Variants in DOCK1 observed in about 807,000 individuals in gnomAD.
DOCK1 encodes dedicator of cytokinesis 1, also known as dedicator of cytokinesis protein 1.
Under a neutral mutation model 262.7 loss-of-function variants are expected in DOCK1, and 138 were observed. The ratio of observed to expected loss-of-function variants is 0.53; its 90% confidence interval spans 0.46 to 0.61. The LOEUF (loss-of-function observed/expected upper bound fraction) is 0.61. Ranked by LOEUF, DOCK1 falls within the 20% of genes least tolerant of loss-of-function variation. The pLI is 0.00. For synonymous variants in DOCK1, 866 were observed against 867.4 expected, an observed-to-expected ratio of 1.00 and a Z score of 0.03; for missense variants, 1,908 against 2,370.7, an observed-to-expected ratio of 0.80 and a Z score of 4.05.
chr10:127,353,512 C>T (rs1412746163), intron 31 of DOCK1, among the ~76,000 whole-genome samples: 4 of 152,194 alleles, frequency 2.6e-5, no homozygotes, highest in Non-Finnish European at 5.9e-5. Context: ...CCTACCATGG[C>T]CTCAATGCTG....
At chr10:127,178,939 T>A (rs2055450074) in intron 27 of DOCK1, among the ~76,000 whole-genome samples, 1 of 152,160 alleles carries the variant, frequency 6.6e-6, no homozygotes, top group African/African-American at 2.4e-5. Context: ...GAAAATTAAA[T>A]CTTAACCTTC....
chr10:127,106,149 G>A (rs972508260), intron 23 of DOCK1, 82 bp from the exon 24 acceptor site: 5 of 1,376,138 alleles, frequency 3.6e-6, no homozygotes, highest in African/African-American at 1.4e-5. Context: ...TATTTCTGCG[G>A]TTCTTCTCAT....
chr10:127,262,175 T>G (rs1007600742), intron 29 of DOCK1, among the ~76,000 whole-genome samples: 10 of 139,038 alleles, frequency 7.2e-5, no homozygotes, highest in Admixed American at 1.4e-4. Flanking sequence ...TGCATGTGGG[T>G]GTGTGTGTGT....
intron 28 of DOCK1, among the ~76,000 whole-genome samples, chr10:127,254,152 A>T (rs2059754105): frequency 6.6e-6 from 1 of 151,912 alleles, no homozygotes; most frequent in South Asian, 2.1e-4. Context: ...TTCTTTCCAA[A>T]TTTTTTTGTC....
chr10:127,339,391 A>G (rs2063327801), intron 30 of DOCK1, among the ~76,000 whole-genome samples: 2 of 152,112 alleles, frequency 1.3e-5, no homozygotes, highest in Non-Finnish European at 2.9e-5. Flanking sequence ...ATCTGCCAAG[A>G]TTGTCTCAGC....
intron 46 of DOCK1, among the ~76,000 whole-genome samples, chr10:127,422,701 CT>C (rs1467750823): frequency 6.6e-6 from 1 of 152,144 alleles, no homozygotes; most frequent in Admixed American, 6.5e-5. Context: ...CAGTCTCCCT[CT>C]GTAACTAAAA....
At chr10:127,364,889 G>A (rs894415706) in intron 33 of DOCK1, among the ~76,000 whole-genome samples, 1 of 149,630 alleles carries the variant, frequency 6.7e-6, no homozygotes, top group Non-Finnish European at 1.5e-5. Context: ...CATGATAGCA[G>A]AAGGTCTCCC....
Position 126,957,446 on chromosome 10 carries a change from C to T in DOCK1, c.47-13256C>T, listed in dbSNP as rs898491389. Among the ~76,000 whole-genome samples the T allele has an allele frequency of 1.2e-3, 186 of 152,284 alleles. 2 individuals carry two copies. Among genetic ancestry groups the T allele is most frequent in the Non-Finnish European group, 1.8e-3 (125 of 68,036 alleles). On this transcript the variant is annotated intron_variant, in intron 1 of 51. Coordinates refer to ENST00000623213, the MANE Select transcript of DOCK1 (RefSeq NM_001290223.2). ...AAAAACAGATTCACAAAACAGTTCACGCTGGAATGTTCAATCCAGCCTTAT... is the reference window on the plus strand; with the variant it reads ...AAAAACAGATTCACAAAACAGTTCATGCTGGAATGTTCAATCCAGCCTTAT...
At chr10:127,338,799 C>G (rs980037787) in intron 29 of DOCK1, among the ~76,000 whole-genome samples, 2 of 151,802 alleles carry the variant, frequency 1.3e-5, no homozygotes, top group Non-Finnish European at 2.9e-5. Flanking sequence ...TTTCTTTCAT[C>G]CTGCATGTGC....
chr10:127,018,896 T>A, intron 13 of DOCK1, 61 bp downstream of exon 13: 1 of 1,600,676 alleles, frequency 6.2e-7, no homozygotes, highest in Non-Finnish European at 8.5e-7. Context: ...CCACGGAGGA[T>A]GACGTGTGGG....
intron 1 of DOCK1, among the ~76,000 whole-genome samples, chr10:126,942,736 G>T (rs1468349980): frequency 6.6e-6 from 1 of 152,094 alleles, no homozygotes; most frequent in Non-Finnish European, 1.5e-5. Context: ...AGATAAGCAT[G>T]ATCTGTCCTG....
intron 1 of DOCK1, among the ~76,000 whole-genome samples, chr10:126,908,326 C>T (rs76850939): frequency 0.064 from 9,682 of 152,148 alleles, 707 homozygotes; most frequent in African/African-American, 0.17. Context: ...CTGGAGGACC[C>T]CTCCACCATC....
intron 32 of DOCK1, among the ~76,000 whole-genome samples, chr10:127,359,746 T>C (rs2064320195): frequency 6.6e-6 from 1 of 152,238 alleles, no homozygotes; most frequent in South Asian, 2.1e-4. Flanking sequence ...TCAGTCTAAT[T>C]ATGAGGATTA....
At chr10:126,998,019 G>A (rs2040333265) in intron 7 of DOCK1, 73 bp from the exon 8 acceptor site, 2 of 1,569,978 alleles carry the variant, frequency 1.3e-6, no homozygotes, top group South Asian at 2.3e-5. Flanking sequence ...TTTCTATTCT[G>A]TAGGGAATAA....
At chr10:127,084,889 A>T (rs2047107983) in intron 23 of DOCK1, among the ~76,000 whole-genome samples, 1 of 152,048 alleles carries the variant, frequency 6.6e-6, no homozygotes, top group Non-Finnish European at 1.5e-5. Flanking sequence ...TGGGAGGGAG[A>T]TGTTTCTGGA....
intron 2 of DOCK1, among the ~76,000 whole-genome samples, chr10:126,975,744 A>G (rs534889850): frequency 1.3e-4 from 20 of 150,344 alleles, no homozygotes; most frequent in African/African-American, 4.9e-4. Flanking sequence ...CAGCTTCCCG[A>G]GTACCTGGTA....
intron 1 of DOCK1, among the ~76,000 whole-genome samples, chr10:126,912,682 C>T (rs1456339154): frequency 6.7e-5 from 10 of 148,864 alleles, no homozygotes; most frequent in East Asian, 2.0e-4. Context: ...GCCGAGATCG[C>T]GCCACCGTAC....
chr10:126,962,258 C>T (rs1028255150), intron 1 of DOCK1, among the ~76,000 whole-genome samples: 1 of 151,980 alleles, frequency 6.6e-6, no homozygotes, highest in Non-Finnish European at 1.5e-5. Flanking sequence ...CTCCCCGGTT[C>T]GAACAATTCT....
At chr10:126,958,069 C>G (rs2036890212) in intron 1 of DOCK1, among the ~76,000 whole-genome samples, 1 of 152,128 alleles carries the variant, frequency 6.6e-6, no homozygotes, top group Non-Finnish European at 1.5e-5. Flanking sequence ...GGAGAAAAAT[C>G]TCCTAGAGAG....
Sources: allele counts gnomAD v4.1 joint callset (sites outside exome capture counted in the v4.1 genomes callset), GRCh38; gene constraint gnomAD v4.1.1; transcripts MANE v1.5; gene names NCBI Gene and HGNC (gene_info 2026-07-23, HGNC 2026-07-21).